The following PIAS1 variants were observed in gnomAD, a reference collection of about 807,000 sequenced individuals.
PIAS1 encodes the protein protein inhibitor of activated STAT 1.
A neutral mutation model predicts 71.3 loss-of-function variants in PIAS1; 6 were observed. The observed-to-expected ratio is 0.08, with a 90% CI of 0.05 to 0.17. The LOEUF (loss-of-function observed/expected upper bound fraction) is 0.17, where lower values mean the gene tolerates loss of function less well. PIAS1 is among the 10% of genes least tolerant of loss of function. The pLI is 1.00. For missense variants in PIAS1, 555 were observed against 793.6 expected (o/e 0.70, Z 3.61); for synonymous variants, 303 against 292.9 (o/e 1.03, Z -0.35).
intron 2 of PIAS1, among the ~76,000 whole-genome samples, chr15:68,131,092 C>A (rs2092685156): frequency 6.6e-6 from 1 of 152,146 alleles, no homozygotes; most frequent in African/African-American, 2.4e-5. Flanking sequence ...AGCACGCGGA[C>A]TTCTGACTCC....
intron 7 of PIAS1, among the ~76,000 whole-genome samples, chr15:68,158,337 G>C (rs748756518): frequency 9.2e-5 from 14 of 151,918 alleles, no homozygotes; most frequent in Middle Eastern, 6.8e-3. Context: ...TCTTTCTTCA[G>C]TGCTTTAGTT....
chr15:68,118,639 G>C (rs2092586330), intron 2 of PIAS1, among the ~76,000 whole-genome samples: 1 of 152,164 alleles, frequency 6.6e-6, no homozygotes, highest in South Asian at 2.1e-4. Context: ...ACTGTGCCCA[G>C]CTGTCTTGAT....
At chr15:68,061,616 G>A (rs146411932) in intron 1 of PIAS1, among the ~76,000 whole-genome samples, 3 of 152,142 alleles carry the variant, frequency 2.0e-5, no homozygotes, top group Admixed American at 6.5e-5. Context: ...TGTTGTAAAC[G>A]TTCCTATTTT....
Position 68,054,423 on chromosome 15 carries a change from TC to T in PIAS1, c.24+75del. Reference sequence around the variant, plus strand: ...CGCCGCTGCTGCCAGGGGGGATGGGTCCGACCCTGGGGGGCCTCTCGGGCCT... The same window carrying T: ...CGCCGCTGCTGCCAGGGGGGATGGGTCGACCCTGGGGGGCCTCTCGGGCCT... On this transcript the variant is annotated intron_variant, in intron 1 of 13. Transcript: ENST00000249636. The surrounding 1 kb of genome is among the most constrained non-coding windows in gnomAD (Gnocchi z 4.6). 6.7e-7 allele frequency: 1 copy of T among 1,484,012 alleles called. No individual in the cohort carries two copies. Among genetic ancestry groups the T allele is most frequent in the Non-Finnish European group, 9.2e-7 (1 of 1,088,436 alleles). 91.9% of individuals were successfully genotyped at this position (1,484,012 alleles called of 1,614,324 possible).
chr15:68,156,728 AGAGAG>A (rs1215845131), intron 7 of PIAS1, among the ~76,000 whole-genome samples: 2 of 137,518 alleles, frequency 1.5e-5, no homozygotes, highest in African/African-American at 5.5e-5. Context: ...AAAAAAAAAA[AGAGAG>A]AGAGAGAGAG....
intron 2 of PIAS1, among the ~76,000 whole-genome samples, chr15:68,109,054 A>G (rs1021567375): frequency 2.0e-5 from 3 of 152,130 alleles, no homozygotes; most frequent in Non-Finnish European, 4.4e-5. Context: ...TACCTGTCTG[A>G]TATCATCATC....
intron 1 of PIAS1, among the ~76,000 whole-genome samples, chr15:68,066,653 G>A (rs192804458): frequency 1.1e-3 from 163 of 152,210 alleles, no homozygotes; most frequent in Admixed American, 5.8e-3. Context: ...TTAGAGTGGT[G>A]TGTGAAAAAC....
At chr15:68,082,657 T>C (rs1194963107) in intron 1 of PIAS1, among the ~76,000 whole-genome samples, 1 of 151,922 alleles carries the variant, frequency 6.6e-6, no homozygotes, top group Non-Finnish European at 1.5e-5. Flanking sequence ...CAACCAAAAA[T>C]TATGATAGAA....
intron 6 of PIAS1, among the ~76,000 whole-genome samples, chr15:68,151,483 A>G (rs2092843380): frequency 6.6e-6 from 1 of 152,064 alleles, no homozygotes; most frequent in South Asian, 2.1e-4. Flanking sequence ...TACTTGAAGC[A>G]TTAAGCAAGT....
At chr15:68,163,479 G>A (rs1018571793) in intron 7 of PIAS1, among the ~76,000 whole-genome samples, 19 of 152,064 alleles carry the variant, frequency 1.2e-4, no homozygotes, top group African/African-American at 4.3e-4. Flanking sequence ...ACTACCAATT[G>A]GTGTCCCTCT....
At chr15:68,128,568 C>T (rs2029423) in intron 2 of PIAS1, among the ~76,000 whole-genome samples, 72,378 of 151,788 alleles carry the variant, frequency 0.48, 18,089 homozygotes, top group Middle Eastern at 0.56. Flanking sequence ...TTTGAGAATT[C>T]TGATCTAAAA....
chr15:68,075,086 T>C (rs866255251), intron 1 of PIAS1, among the ~76,000 whole-genome samples: 5,597 of 133,122 alleles, frequency 0.042, 370 homozygotes, highest in African/African-American at 0.15. Context: ...TTCTTTTTTT[T>C]TTTTTTTTTT....
intron 2 of PIAS1, among the ~76,000 whole-genome samples, chr15:68,115,366 C>T (rs1056996057): frequency 6.6e-6 from 1 of 151,934 alleles, no homozygotes; most frequent in Admixed American, 6.6e-5. Context: ...ATTTCAGTTT[C>T]TGATTGTTTG....
rs34515007 is a variant in PIAS1 at position 68,086,359 on chromosome 15, C to T, written c.78C>T (p.Ala26=). The T allele has an allele frequency of 6.1e-4, 986 of 1,612,882 alleles. 9 individuals are homozygous for T. The African/African-American group carries it at 0.011, about 18-fold the overall frequency. Residue 26 remains alanine, a synonymous_variant, in exon 2 of 14, where the codon GCC becomes GCT. Coordinates refer to ENST00000249636, the MANE Select transcript of PIAS1 (RefSeq NM_016166.3). This position sits in a 1 kb window ranked among gnomAD's most constrained non-coding sequence, Gnocchi z 7.2. ...AACTCCAAGTACTGTTGGGCTACGC[C>T]GGGAGAAACAAGCACGGACGCAAAC... is the stretch of plus-strand genomic sequence containing the variant. ...VSELQVLLGY[A]GRNKHGRKHE...
intron 2 of PIAS1, among the ~76,000 whole-genome samples, chr15:68,121,445 A>G (rs1334701409): frequency 2.0e-5 from 3 of 151,720 alleles, no homozygotes; most frequent in Non-Finnish European, 2.9e-5. Context: ...CAATTTGGTT[A>G]TGATTTGCTT....
chr15:68,154,912 A>G (rs976843837), intron 7 of PIAS1, among the ~76,000 whole-genome samples: 6 of 152,244 alleles, frequency 3.9e-5, no homozygotes, highest in Non-Finnish European at 5.9e-5. Context: ...CTTGTCTTCT[A>G]TCACAATCTT....
At chr15:68,145,690 C>G in intron 4 of PIAS1, 126 bp from the exon 5 acceptor site, 1 of 609,016 alleles carries the variant, frequency 1.6e-6, no homozygotes, top group Non-Finnish European at 2.9e-6. Flanking sequence ...GTGAAAAGTC[C>G]AGTTTTTATA....
At chr15:68,133,211 A>G (rs1406788331) in intron 2 of PIAS1, among the ~76,000 whole-genome samples, 1 of 152,016 alleles carries the variant, frequency 6.6e-6, no homozygotes, top group African/African-American at 2.4e-5. Context: ...TAGGTATTTT[A>G]CTAAGAATGA....
chr15:68,064,905 G>A (rs1222237163), intron 1 of PIAS1, among the ~76,000 whole-genome samples: 1 of 152,032 alleles, frequency 6.6e-6, no homozygotes, highest in Admixed American at 6.6e-5. Flanking sequence ...AACAAGTAAT[G>A]GATTAATTAA....
Sources: gnomAD v4.1 joint callset for allele counts (sites outside exome capture counted in the v4.1 genomes callset) on GRCh38, gnomAD v4.1.1 for gene constraint, Gnocchi (gnomAD v3.1) non-coding constraint, MANE v1.5 for transcripts, NCBI Gene and HGNC (gene_info 2026-07-23, HGNC 2026-07-21) for gene names.